MYO15B: variants seen among roughly 807,000 people sequenced by gnomAD.
MYO15B encodes the protein myosin XVB, also known as myosin XVB pseudogene.
In MYO15B, 207 loss-of-function variants were observed where a neutral mutation model predicts 119.3. The ratio of observed to expected loss-of-function variants is 1.73; its 90% confidence interval spans 1.55 to 1.95. The LOEUF (loss-of-function observed/expected upper bound fraction) is 1.95. Ranked by LOEUF, MYO15B falls within the 30% of genes most tolerant of loss-of-function variation. MYO15B has a pLI of 0.00. For missense variants in MYO15B, 2,264 were observed against 1,203.1 expected (o/e 1.88, Z -13.04); for synonymous variants, 966 against 498.9 (o/e 1.94, Z -12.48).
intron 62 of MYO15B, 35 bp downstream of exon 62, chr17:75,626,012 G>A (rs534550547): frequency 2.9e-6 from 2 of 699,130 alleles, no homozygotes; most frequent in African/African-American, 1.7e-5. Flanking sequence ...CTGGCCTAGG[G>A]ACCCTTGGGC....
chr17:75,618,056 G>A lies in MYO15B; in HGVS notation c.6928-70G>A, dbSNP rs995551782. The A allele has an allele frequency of 1.6e-5, 11 of 696,602 alleles. No individual in the cohort carries two copies. In the African/African-American group the frequency reaches 1.9e-4, roughly 12 times the overall value. The allele number at this position is 696,602 out of a possible 1,614,324, so 43.2% of individuals were successfully genotyped here. A position where few individuals can be genotyped will look rare whatever the true frequency, so the allele number is the denominator to read the frequency against. On this transcript the variant is annotated intron_variant, in intron 42 of 63. Coordinates refer to ENST00000645453, the Ensembl canonical transcript of MYO15B. ...ATCTCAAGGCTGATTTTCCAGGCCT[G>A]GGAGGGCAGAGGCTTGCTGGGAAGA...
intron 21 of MYO15B, 126 bp downstream of exon 21, chr17:75,606,147 T>TC (rs1727190760): frequency 1.7e-6 from 1 of 582,060 alleles, no homozygotes; most frequent in African/African-American, 1.9e-5. Flanking sequence ...CAGTGCCATC[T>TC]CATCGGCATG....
chr17:75,622,118 G>T (rs1224538693), intron 53 of MYO15B, 38 bp downstream of exon 53: 2 of 701,650 alleles, frequency 2.9e-6, no homozygotes, highest in African/African-American at 3.5e-5. Flanking sequence ...GCCTGTGCCT[G>T]TCCTCCTGTC....
At chr17:75,595,084 G>T (rs2056766040) in intron 12 of MYO15B, 112 bp downstream of exon 12, 1 of 634,054 alleles carries the variant, frequency 1.6e-6, no homozygotes, top group Non-Finnish European at 2.8e-6. Context: ...GTGCTTGTCT[G>T]TCTGGCAGGG....
chr17:75,620,706 C>T lies in MYO15B; in HGVS notation c.7725+70C>T, dbSNP rs1351846363. 4.4e-6 allele frequency: 3 copies of T among 689,604 alleles called. No individual in the cohort carries two copies. The East Asian group carries it at 8.1e-5, about 19-fold the overall frequency. 42.7% of individuals were successfully genotyped at this position (689,604 alleles called of 1,614,324 possible). On this transcript the variant is annotated intron_variant, in intron 49 of 63. Transcript: ENST00000645453. ...AGACTGAGGAAGGAAAGGGGTTTGA[C>T]CACTCCCGAGGCTGCCATGCGGTGG...
exon 49 of MYO15B, chr17:75,620,587 A>C (rs575975849): frequency 3.0e-5 from 21 of 702,772 alleles, no homozygotes; most frequent in Non-Finnish European, 4.9e-5. Flanking sequence ...CACAAGGGTC[A>C]GCTGTCCAAC....
At chr17:75,620,598 G>C in exon 49 of MYO15B, 1 of 702,554 alleles carries the variant, frequency 1.4e-6, no homozygotes. Context: ...GCTGTCCAAC[G>C]GGGAACCAGG....
At chr17:75,625,500 CA>C in intron 60 of MYO15B, 26 bp from the exon 61 acceptor site, 2 of 702,912 alleles carry the variant, frequency 2.8e-6, no homozygotes, top group Non-Finnish European at 5.2e-6. Context: ...GGTCAGGGGC[CA>C]AACTGACCCT....
chr17:75,620,133 G>C, intron 47 of MYO15B, 113 bp downstream of exon 47: 2 of 578,670 alleles, frequency 3.5e-6, no homozygotes, highest in Non-Finnish European at 6.1e-6. Context: ...CAAATCCCTG[G>C]AAGTCTGGGG....
chr17:75,611,973 T>C (rs763279375), exon 25 of MYO15B: 10 of 702,794 alleles, frequency 1.4e-5, no homozygotes, highest in Non-Finnish European at 2.1e-5. Flanking sequence ...CCAGCAGACA[T>C]TGACCTGTTC....
intron 42 of MYO15B, 48 bp downstream of exon 42, chr17:75,617,970 G>C: frequency 1.4e-6 from 1 of 697,054 alleles, no homozygotes; most frequent in Non-Finnish European, 2.6e-6. Flanking sequence ...GGCTGGCAGG[G>C]AGGCGGCAGG....
At position 75,603,084 on chromosome 17, in the gene MYO15B, T is replaced by G. The variant is rs1461548334; in HGVS notation, c.3891+7T>G. On this transcript the variant is annotated splice_region_variant and intron_variant, in intron 18 of 63. Coordinates refer to ENST00000645453, the Ensembl canonical transcript of MYO15B. Reference sequence around the variant, plus strand: ...CACCCCTAACCCTGGAAAGGTGAGCTCCCCAGCAACTGGCCTCAGGGCCCT... The same window carrying G: ...CACCCCTAACCCTGGAAAGGTGAGCGCCCCAGCAACTGGCCTCAGGGCCCT... 5 of 703,032 alleles carry G rather than the reference T, an allele frequency of 7.1e-6. No homozygotes were observed. The African/African-American group carries it at 8.7e-5, about 12-fold the overall frequency. 43.5% of individuals were successfully genotyped at this position (703,032 alleles called of 1,614,324 possible).
At chr17:75,590,968 C>G in exon 3 of MYO15B, 1 of 565,974 alleles carries the variant, frequency 1.8e-6, no homozygotes, top group South Asian at 2.1e-5. Flanking sequence ...CTTTTTTCAC[C>G]TGAGGTCCAG....
At chr17:75,610,231 C>T (rs1314237430) in exon 22 of MYO15B, 1 of 701,288 alleles carries the variant, frequency 1.4e-6, no homozygotes, top group Admixed American at 2.0e-5. Flanking sequence ...GTGGCCCAGC[C>T]CCTGCTCCAG....
exon 19 of MYO15B, chr17:75,603,307 G>A: frequency 1.4e-6 from 1 of 703,038 alleles, no homozygotes; most frequent in East Asian, 2.7e-5. Flanking sequence ...AGGCCTTCCT[G>A]GCCAGGTGGG....
In MYO15B at chr17:75,626,152, A is replaced by C. The variant is rs1282212315; in HGVS notation, c.9137A>C (p.Glu3046Ala). 8.8e-5 allele frequency: 62 copies of C among 702,552 alleles called. No individual in the cohort carries two copies. In the East Asian group the frequency reaches 1.7e-3, roughly 19 times the overall value. The allele number at this position is 702,552 out of a possible 1,614,324, so 43.5% of individuals were successfully genotyped here. A position where few individuals can be genotyped will look rare whatever the true frequency, so the allele number is the denominator to read the frequency against. Residue 3046 changes from glutamate (E) to alanine (A), a missense_variant, in exon 63 of 64, where the codon GAG (glutamate) becomes GCG (alanine). Glu to Ala is a moderately radical substitution (Grantham distance 107). Coordinates refer to ENST00000645453, the Ensembl canonical transcript of MYO15B. ...CTCCACCTGCTAAGCCCTCTGGAGG[A>C]GAAGGGGCCCCCTGGCCTGGAAGTC...
exon 10 of MYO15B, chr17:75,594,553 G>C (rs1241383043): frequency 1.5e-6 from 1 of 648,076 alleles, no homozygotes; most frequent in African/African-American, 1.8e-5. Flanking sequence ...GGTACCACCA[G>C]AGTGCCTGGA....
exon 27 of MYO15B, chr17:75,613,055 T>C (rs188776196): frequency 4.3e-6 from 3 of 701,566 alleles, no homozygotes; most frequent in Admixed American, 4.0e-5. Context: ...GCAGGGGCAG[T>C]GCCGGCCAGG....
At position 75,591,671 on chromosome 17, in the gene MYO15B, A is replaced by G. The variant is rs1365563124; in HGVS notation, c.2506A>G (p.Ser836Gly). 3 of 702,950 alleles carry G rather than the reference A, an allele frequency of 4.3e-6. No homozygotes were observed. In the South Asian group the frequency reaches 4.4e-5, roughly 10 times the overall value. The allele number at this position is 702,950 out of a possible 1,614,324, so 43.5% of individuals were successfully genotyped here. The change falls in exon 5 of 64, where the codon AGC becomes GGC. Residue 836 changes from serine to glycine, a missense_variant. Transcript: ENST00000645453. ...CGCCAAAAAGATCATGCAGTTCCTAAGCAGCCTGGAGCAGGATCAGACGGG... is the reference window on the plus strand; with the variant it reads ...CGCCAAAAAGATCATGCAGTTCCTAGGCAGCCTGGAGCAGGATCAGACGGG...
Sources: gnomAD v4.1 joint callset for allele counts on GRCh38, gnomAD v4.1.1 for gene constraint, MANE v1.5 for transcripts, NCBI Gene and HGNC (gene_info 2026-07-23, HGNC 2026-07-21) for gene names.